TMEM178B: variants seen among roughly 807,000 people sequenced by gnomAD.
TMEM178B encodes transmembrane protein 178B.
In TMEM178B, 5 loss-of-function variants were observed where a neutral mutation model predicts 31.0. The observed-to-expected ratio is 0.16, with a 90% confidence interval of 0.08 to 0.34. The LOEUF is 0.34. TMEM178B is among the 10% of genes least tolerant of loss of function. The pLI, the probability that TMEM178B is intolerant of heterozygous loss-of-function variation, is 1.00. For missense variants in TMEM178B, 275 were observed against 400.3 expected (o/e 0.69, Z 2.67); for synonymous variants, 164 against 164.0 (o/e 1.00, Z 0.00).
At chr7:141,289,859 G>T in intron 2 of TMEM178B, among the ~76,000 whole-genome samples, 1 of 152,030 alleles carries the variant, frequency 6.6e-6, no homozygotes, top group Non-Finnish European at 1.5e-5. Context: ...AGTTGGCCAG[G>T]CATGGTAGCT....
At chr7:141,203,513 A>G (rs1413719492) in intron 1 of TMEM178B, among the ~76,000 whole-genome samples, 1 of 152,154 alleles carries the variant, frequency 6.6e-6, no homozygotes, top group South Asian at 2.1e-4. Context: ...TTTCCTCATC[A>G]GTGGATGTAT....
intron 2 of TMEM178B, among the ~76,000 whole-genome samples, chr7:141,368,254 G>A (rs1271426941): frequency 6.6e-6 from 1 of 152,192 alleles, no homozygotes; most frequent in African/African-American, 2.4e-5. Flanking sequence ...GGGGGGTGGA[G>A]GTTGCAGTGA....
intron 1 of TMEM178B, among the ~76,000 whole-genome samples, chr7:141,172,482 G>C (rs1796364651): frequency 6.6e-6 from 1 of 152,228 alleles, no homozygotes; most frequent in African/African-American, 2.4e-5. Flanking sequence ...CAAGGCTGAG[G>C]AGGGGCCCCT....
intron 1 of TMEM178B, among the ~76,000 whole-genome samples, chr7:141,120,687 G>A (rs1167054626): frequency 6.6e-6 from 1 of 152,052 alleles, no homozygotes; most frequent in South Asian, 2.1e-4. Context: ...TGGATGAAGT[G>A]TCTCACTCCT....
At chr7:141,245,586 T>A (rs1797717201) in intron 2 of TMEM178B, among the ~76,000 whole-genome samples, 1 of 152,258 alleles carries the variant, frequency 6.6e-6, no homozygotes, top group East Asian at 1.9e-4. Context: ...CCTTCTCTTC[T>A]GAGAATCCTC....
intron 2 of TMEM178B, among the ~76,000 whole-genome samples, chr7:141,305,791 C>T (rs1277093580): frequency 6.6e-6 from 1 of 152,132 alleles, no homozygotes; most frequent in East Asian, 1.9e-4. Context: ...TCAATACTCC[C>T]TCTGTACCTC....
intron 2 of TMEM178B, among the ~76,000 whole-genome samples, chr7:141,366,061 G>A (rs980911210): frequency 3.9e-5 from 6 of 152,184 alleles, no homozygotes; most frequent in African/African-American, 7.2e-5. Context: ...AGCATAGAGC[G>A]CCTTTATGGC....
intron 3 of TMEM178B, among the ~76,000 whole-genome samples, chr7:141,447,879 T>C (rs1281680921): frequency 1.3e-5 from 2 of 152,018 alleles, no homozygotes; most frequent in Non-Finnish European, 2.9e-5. Flanking sequence ...ACAGCAACAG[T>C]AGAGGATCCA....
chr7:141,442,081 A>G (rs575845700), intron 3 of TMEM178B, among the ~76,000 whole-genome samples: 68 of 152,320 alleles, frequency 4.5e-4, no homozygotes, highest in African/African-American at 1.6e-3. Flanking sequence ...GCCACCAGGG[A>G]AAGACTGCAG....
intron 1 of TMEM178B, among the ~76,000 whole-genome samples, chr7:141,208,793 T>C (rs930192894): frequency 2.0e-5 from 3 of 152,190 alleles, no homozygotes; most frequent in African/African-American, 7.2e-5. Context: ...TGGCAACTTG[T>C]TGAGTTTCTG....
chr7:141,141,453 A>G (rs894545724), intron 1 of TMEM178B, among the ~76,000 whole-genome samples: 1 of 152,150 alleles, frequency 6.6e-6, no homozygotes, highest in African/African-American at 2.4e-5. Context: ...GCCCATGGCT[A>G]CTGGTGTGTT....
chr7:141,506,952 G>A, the TMEM178B span, among the ~76,000 whole-genome samples: 7 of 152,126 alleles, frequency 4.6e-5, no homozygotes, highest in African/African-American at 1.7e-4. Flanking sequence ...AATCCAAGGG[G>A]GCAATCAAAT....
chr7:141,463,766 C>T (rs995299413), intron 3 of TMEM178B, among the ~76,000 whole-genome samples: 1 of 152,206 alleles, frequency 6.6e-6, no homozygotes, highest in Non-Finnish European at 1.5e-5. Flanking sequence ...TGGCTTGAGA[C>T]AGAATGCTCT....
chr7:141,353,275 C>T (rs938895358), intron 2 of TMEM178B, among the ~76,000 whole-genome samples: 2 of 152,166 alleles, frequency 1.3e-5, no homozygotes, highest in Non-Finnish European at 1.5e-5. Context: ...AGAATGCCCT[C>T]ATGAGCATTC....
intron 2 of TMEM178B, among the ~76,000 whole-genome samples, chr7:141,297,818 C>T (rs1216082251): frequency 1.3e-5 from 2 of 152,158 alleles, no homozygotes; most frequent in East Asian, 1.9e-4. Flanking sequence ...AATAAACGTA[C>T]GTGTGCATGT....
intron 1 of TMEM178B, among the ~76,000 whole-genome samples, chr7:141,112,014 A>T (rs1795241256): frequency 6.6e-6 from 1 of 152,186 alleles, no homozygotes; most frequent in Admixed American, 6.5e-5. Context: ...AGGATACACA[A>T]TTTACAAAGT....
At chr7:141,295,139 A>T (rs184524366) in intron 2 of TMEM178B, among the ~76,000 whole-genome samples, 19 of 152,248 alleles carry the variant, frequency 1.2e-4, no homozygotes, top group Admixed American at 7.9e-4. Flanking sequence ...AATATGACAG[A>T]TGTCTGCACC....
At position 141,086,353 on chromosome 7, in the gene TMEM178B, A is replaced by G. The variant is rs1480185411; in HGVS notation, c.382+11661A>G. Reference sequence around the variant, plus strand: ...TGATCCAATTAATATTAATATTAAAACATGTATTTCAAATATACTGTAATC... The same window carrying G: ...TGATCCAATTAATATTAATATTAAAGCATGTATTTCAAATATACTGTAATC... On this transcript the variant is annotated intron_variant, in intron 1 of 3. Coordinates refer to ENST00000565468, the MANE Select transcript of TMEM178B (RefSeq NM_001195278.2). Among the ~76,000 whole-genome samples, 4 of 152,230 alleles carry G rather than the reference A, an allele frequency of 2.6e-5. No homozygotes were observed. The East Asian group carries it at 7.7e-4, about 29-fold the overall frequency.
the TMEM178B span, among the ~76,000 whole-genome samples, chr7:141,496,479 G>A: frequency 2.0e-5 from 3 of 149,558 alleles, no homozygotes; most frequent in African/African-American, 7.7e-5. Flanking sequence ...GACCATCCCG[G>A]CTAAAACGGT....
Sources: allele counts gnomAD v4.1 joint callset (sites outside exome capture counted in the v4.1 genomes callset), GRCh38; gene constraint gnomAD v4.1.1; transcripts MANE v1.5; gene names NCBI Gene and HGNC (gene_info 2026-07-23, HGNC 2026-07-21).